The following TRPM6 variants were observed in gnomAD, a reference collection of about 807,000 sequenced individuals.
The protein encoded by TRPM6 is channel kinase 2.
In TRPM6, 111 loss-of-function variants were observed where a neutral mutation model predicts 247.6. The observed-to-expected ratio is 0.45, with a 90% CI of 0.38 to 0.52. The LOEUF (loss-of-function observed/expected upper bound fraction) is 0.52, where lower values mean the gene tolerates loss of function less well. TRPM6 is among the 20% of genes least tolerant of loss of function. The pLI, the probability that TRPM6 is intolerant of heterozygous loss-of-function variation, is 0.00. For synonymous variants in TRPM6, 892 were observed against 853.8 expected, an observed-to-expected ratio of 1.04 and a Z score of -0.78; for missense variants, 2,126 against 2,421.5, an observed-to-expected ratio of 0.88 and a Z score of 2.56.
At position 74,821,726 on chromosome 9, in the gene TRPM6, C is replaced by A. The variant is rs1364987266; in HGVS notation, c.953G>T (p.Gly318Val). 1 of 1,614,150 alleles carries A rather than the reference C, an allele frequency of 6.2e-7. No homozygotes were observed. The highest frequency in any genetic ancestry group is 1.1e-5 in the South Asian group (1 of 91,078). Residue 318 changes from glycine (G) to valine (V), a missense_variant, in exon 8 of 39, where the codon GGC (glycine) becomes GTC (valine). Coordinates refer to ENST00000360774, the MANE Select transcript of TRPM6 (RefSeq NM_017662.5). ...CAGGAGGTCAGCCGCCCTACCTGTG[C>A]CCTCACACACCACCACTGGGTCCTT... ...KDKDPVVVCE[G>V]TGRAADLLAF... is the part of the protein sequence containing the mutation.
At chr9:74,834,389 A>G (rs1171121040) in intron 5 of TRPM6, among the ~76,000 whole-genome samples, 1 of 151,788 alleles carries the variant, frequency 6.6e-6, no homozygotes. Flanking sequence ...ATCCGATCCT[A>G]CTCTTGCCTA....
At position 74,816,906 on chromosome 9, in the gene TRPM6, G is replaced by A; in HGVS notation, c.1193C>T (p.Thr398Ile). 1.2e-6 allele frequency: 2 copies of A among 1,614,040 alleles called. No homozygotes were observed. The highest frequency in any genetic ancestry group is 1.7e-6 in the Non-Finnish European group (2 of 1,179,916). ...EQQDLDLAIL[T>I]ALLKGTNLSA... ...CAGATACTCACCCTTCAGCAAAGCT[G>A]TTAGGATTGCTAAGTCCAGGTCTTG... The change falls in exon 10 of 39, where the codon ACA (threonine) becomes ATA (isoleucine). Residue 398 changes from threonine to isoleucine, a missense_variant. Thr to Ile is a moderately conservative substitution (Grantham distance 89). Coordinates refer to ENST00000360774, the MANE Select transcript of TRPM6 (RefSeq NM_017662.5).
chr9:74,772,820 C>A (rs1398180071), intron 24 of TRPM6, among the ~76,000 whole-genome samples: 1 of 152,150 alleles, frequency 6.6e-6, no homozygotes, highest in Non-Finnish European at 1.5e-5. Context: ...CCAGCCTGGC[C>A]AACATGGTGA....
rs544475943 is a variant in TRPM6 at position 74,776,915 on chromosome 9, G to A, written c.3210-839C>T. Reference sequence around the variant, plus strand: ...TTATTTAGAGAAAGATAGCAGAGTAGAACTGGAGGAAGGCAGCCAAATTTA... The same window carrying A: ...TTATTTAGAGAAAGATAGCAGAGTAAAACTGGAGGAAGGCAGCCAAATTTA... On this transcript the variant is annotated intron_variant, in intron 23 of 38. Transcript: ENST00000360774. 6.6e-5 allele frequency among the ~76,000 whole-genome samples: 10 copies of A among 152,294 alleles called. No homozygotes were observed. In the East Asian group the frequency reaches 1.7e-3, roughly 26 times the overall value.
At chr9:74,835,357 G>A (rs1306358424) in intron 5 of TRPM6, among the ~76,000 whole-genome samples, 4 of 151,368 alleles carry the variant, frequency 2.6e-5, no homozygotes, top group African/African-American at 9.7e-5. Context: ...TGGGTAGACT[G>A]CAAAAATTTT....
intron 6 of TRPM6, among the ~76,000 whole-genome samples, chr9:74,830,942 T>C (rs1318024882): frequency 6.6e-6 from 1 of 151,902 alleles, no homozygotes; most frequent in East Asian, 1.9e-4. Context: ...AGGCAATGTG[T>C]CACATTTTAA....
intron 9 of TRPM6, among the ~76,000 whole-genome samples, chr9:74,819,685 G>A (rs957998545): frequency 6.6e-6 from 1 of 152,070 alleles, no homozygotes; most frequent in African/African-American, 2.4e-5. Context: ...TTTCCTGCAG[G>A]ATTTACTCAG....
chr9:74,732,113 G>A (rs1025028770), intron 37 of TRPM6, among the ~76,000 whole-genome samples: 11 of 152,054 alleles, frequency 7.2e-5, no homozygotes, highest in African/African-American at 2.7e-4. Context: ...AATATCCATG[G>A]GAATTCAAGG....
intron 1 of TRPM6, chr9:74,887,586 T>C (rs1323723246): frequency 6.6e-7 from 1 of 1,521,834 alleles, no homozygotes; most frequent in East Asian, 2.4e-5. Flanking sequence ...ATCCCAGCTC[T>C]TGAAACGGGG....
intron 1 of TRPM6, among the ~76,000 whole-genome samples, chr9:74,879,100 T>A (rs1257062392): frequency 6.6e-6 from 1 of 151,348 alleles, no homozygotes; most frequent in South Asian, 2.1e-4. Flanking sequence ...AGGATACAAA[T>A]GAAAAATTGA....
chr9:74,829,765 A>T (rs1207292427), intron 6 of TRPM6, among the ~76,000 whole-genome samples: 1 of 152,150 alleles, frequency 6.6e-6, no homozygotes, highest in Non-Finnish European at 1.5e-5. Flanking sequence ...AAATAATATA[A>T]AATAAAAACT....
chr9:74,745,024 C>G (rs893250120), intron 31 of TRPM6, among the ~76,000 whole-genome samples: 5 of 152,226 alleles, frequency 3.3e-5, no homozygotes, highest in Non-Finnish European at 7.3e-5. Context: ...ATGGATCATA[C>G]TAGGCATGAG....
chr9:74,773,883 T>C (rs995728834), intron 24 of TRPM6, among the ~76,000 whole-genome samples: 1 of 152,194 alleles, frequency 6.6e-6, no homozygotes, highest in Non-Finnish European at 1.5e-5. Context: ...TTTCAGACAC[T>C]GAAAAGATTC....
intron 6 of TRPM6, among the ~76,000 whole-genome samples, chr9:74,830,118 A>G (rs1344159601): frequency 1.3e-5 from 2 of 152,186 alleles, no homozygotes; most frequent in African/African-American, 4.8e-5. Flanking sequence ...GCAACAGAGC[A>G]AATTTTATCT....
intron 1 of TRPM6, among the ~76,000 whole-genome samples, chr9:74,866,581 A>C (rs1830851667): frequency 6.6e-6 from 1 of 152,100 alleles, no homozygotes. Flanking sequence ...TCCCAGATTC[A>C]AGCGATTCTC....
intron 9 of TRPM6, among the ~76,000 whole-genome samples, chr9:74,818,237 C>G (rs1829011038): frequency 6.8e-6 from 1 of 147,910 alleles, no homozygotes; most frequent in Admixed American, 6.8e-5. Context: ...ATAGAAAGTG[C>G]AATAGACTAA....
At chr9:74,752,246 C>G in intron 29 of TRPM6, 31 bp downstream of exon 29, 1 of 1,179,234 alleles carries the variant, frequency 8.5e-7, no homozygotes, top group Non-Finnish European at 1.2e-6. Flanking sequence ...TGCTCGAATG[C>G]TTTTTTTTTT....
At chr9:74,850,177 G>T (rs946464086) in intron 3 of TRPM6, among the ~76,000 whole-genome samples, 2 of 152,110 alleles carry the variant, frequency 1.3e-5, no homozygotes, top group African/African-American at 4.8e-5. Flanking sequence ...TTCAAGACCA[G>T]CCTGGCCAAC....
intron 1 of TRPM6, among the ~76,000 whole-genome samples, chr9:74,862,930 G>C (rs567532271): frequency 6.6e-6 from 1 of 151,722 alleles, no homozygotes; most frequent in Non-Finnish European, 1.5e-5. Flanking sequence ...GCAGTGAGCC[G>C]AGATCATGCC....
Sources: allele counts gnomAD v4.1 joint callset (sites outside exome capture counted in the v4.1 genomes callset), GRCh38; gene constraint gnomAD v4.1.1; transcripts MANE v1.5; gene names NCBI Gene and HGNC (gene_info 2026-07-23, HGNC 2026-07-21).